Variants in GPHN observed in about 807,000 individuals in gnomAD.
The protein encoded by GPHN is gephyrin.
A neutral mutation model predicts 95.5 loss-of-function variants in GPHN; 17 were observed. That is an observed-to-expected ratio of 0.18 (90% confidence interval 0.12 to 0.27). The LOEUF is 0.27. GPHN is among the 10% of genes least tolerant of loss of function. The probability of loss-of-function intolerance (pLI) is 1.00; values close to 1 mark genes in which losing one functional copy is unlikely to be tolerated. For synonymous variants in GPHN, 320 were observed against 322.5 expected (o/e 0.99, Z 0.08); for missense variants, 660 against 978.1 (o/e 0.67, Z 4.34).
chr14:66,950,589 C>T (rs61989632), intron 8 of GPHN, among the ~76,000 whole-genome samples: 2,639 of 152,274 alleles, frequency 0.017, 38 homozygotes, highest in Non-Finnish European at 0.026. Flanking sequence ...TAGATATCAT[C>T]TATGTACGAG....
At chr14:67,502,201 T>C in the GPHN span, among the ~76,000 whole-genome samples, 1 of 151,472 alleles carries the variant, frequency 6.6e-6, no homozygotes, top group Non-Finnish European at 1.5e-5. Context: ...TATGGTGGCA[T>C]GCGCCTGTAG....
At chr14:67,244,318 G>C in the GPHN span, among the ~76,000 whole-genome samples, 2 of 152,158 alleles carry the variant, frequency 1.3e-5, no homozygotes, top group African/African-American at 2.4e-5. Context: ...AACATTACTA[G>C]CTACAGCCAA....
chr14:66,914,197 GGT>G (rs1207474262), intron 5 of GPHN, among the ~76,000 whole-genome samples: 1 of 152,072 alleles, frequency 6.6e-6, no homozygotes, highest in Admixed American at 6.6e-5. Context: ...CTGCTACTAA[GGT>G]GTCAACCTAG....
At chr14:67,387,726 A>G in the GPHN span, among the ~76,000 whole-genome samples, 1 of 152,220 alleles carries the variant, frequency 6.6e-6, no homozygotes, top group African/African-American at 2.4e-5. Context: ...AGATGGTAGC[A>G]TGCCATAGAT....
intron 1 of GPHN, among the ~76,000 whole-genome samples, chr14:66,545,189 C>T (rs1305924729): frequency 1.0e-3 from 152 of 149,038 alleles, no homozygotes; most frequent in Non-Finnish European, 1.7e-3. Context: ...CCGGACGGAG[C>T]GGCTGGCCGG....
intron 10 of GPHN, among the ~76,000 whole-genome samples, chr14:67,043,283 A>G (rs1235211448): frequency 1.3e-5 from 2 of 152,208 alleles, no homozygotes; most frequent in African/African-American, 4.8e-5. Context: ...TAGGAGTGGT[A>G]AGAGAGGTCA....
At chr14:66,679,618 G>T (rs573911507) in intron 1 of GPHN, among the ~76,000 whole-genome samples, 2 of 152,154 alleles carry the variant, frequency 1.3e-5, no homozygotes, top group South Asian at 4.2e-4. Flanking sequence ...CTTATGCTCT[G>T]TTCATTTCAT....
chr14:66,539,941 GT>G (rs2059294355), intron 1 of GPHN, among the ~76,000 whole-genome samples: 1 of 152,118 alleles, frequency 6.6e-6, no homozygotes, highest in African/African-American at 2.4e-5. Flanking sequence ...TCTTTTTCTA[GT>G]TGTTGAAGCA....
rs557755021 is a variant in GPHN, at chr14:67,040,351, T to C, written c.1006+16676T>C. 2.6e-5 allele frequency among the ~76,000 whole-genome samples: 4 copies of C among 152,278 alleles called. No homozygotes were observed. The East Asian group carries it at 7.7e-4, about 29-fold the overall frequency. ...GTGAGTAAATTGCAGACATGATGCCTCTTTACCCCTAAATAATTTAATGTG... is the reference window on the plus strand; with the variant it reads ...GTGAGTAAATTGCAGACATGATGCCCCTTTACCCCTAAATAATTTAATGTG... On this transcript the variant is annotated intron_variant, in intron 10 of 22. Transcript: ENST00000478722.
At chr14:66,914,313 G>T (rs1250040348) in intron 5 of GPHN, among the ~76,000 whole-genome samples, 2 of 152,110 alleles carry the variant, frequency 1.3e-5, no homozygotes, top group Non-Finnish European at 2.9e-5. Context: ...ACCTTCTAAT[G>T]GAGGGAGTTA....
At chr14:66,603,326 G>A (rs2062351295) in intron 1 of GPHN, among the ~76,000 whole-genome samples, 1 of 151,806 alleles carries the variant, frequency 6.6e-6, no homozygotes, top group Non-Finnish European at 1.5e-5. Context: ...TTTTGTGTGT[G>A]TGTGGTGTAT....
chr14:66,514,874 T>C lies in GPHN; in HGVS notation c.64+6283T>C, dbSNP rs902143838. Reference sequence around the variant, plus strand: ...TTGTCTATACCCTGTAATCTATATGTGGGAGGCTGCATGGTGTAGCTTAAA... The same window carrying C: ...TTGTCTATACCCTGTAATCTATATGCGGGAGGCTGCATGGTGTAGCTTAAA... On this transcript the variant is annotated intron_variant, in intron 1 of 22. Coordinates refer to ENST00000478722, the MANE Select transcript of GPHN (RefSeq NM_020806.5). 5.9e-5 allele frequency among the ~76,000 whole-genome samples: 9 copies of C among 152,054 alleles called. No homozygotes were observed. The East Asian group carries it at 1.5e-3, about 26-fold the overall frequency.
chr14:67,570,074 C>A, the GPHN span: 2 of 1,145,264 alleles, frequency 1.7e-6, no homozygotes, highest in Non-Finnish European at 1.3e-6. Flanking sequence ...CCTCATCATC[C>A]AATGACTGGG....
the GPHN span, among the ~76,000 whole-genome samples, chr14:67,519,708 A>G: frequency 7.5e-6 from 1 of 133,340 alleles, no homozygotes; most frequent in African/African-American, 2.7e-5. Flanking sequence ...GTGGCCCTGT[A>G]AGTTTGTTTT....
chr14:66,844,904 A>C lies in GPHN; in HGVS notation c.294+20338A>C, dbSNP rs184148343. 3.9e-3 allele frequency among the ~76,000 whole-genome samples: 594 copies of C among 152,254 alleles called. 5 individuals are homozygous for C. The highest frequency in any genetic ancestry group is 0.014 in the African/African-American group (572 of 41,560). On this transcript the variant is annotated intron_variant, in intron 4 of 22. Coordinates refer to ENST00000478722, the MANE Select transcript of GPHN (RefSeq NM_020806.5). ...ATTCCTCCCTCCCCCAACCCCTGGTAAACTATAATCTACTTTCTGTCTTTA... is the reference window on the plus strand; with the variant it reads ...ATTCCTCCCTCCCCCAACCCCTGGTCAACTATAATCTACTTTCTGTCTTTA...
the GPHN span, among the ~76,000 whole-genome samples, chr14:67,274,053 T>C: frequency 5.9e-5 from 9 of 152,314 alleles, no homozygotes; most frequent in South Asian, 1.9e-3. Flanking sequence ...CGGTGAAAAT[T>C]TTCTCCCATT....
chr14:66,899,047 T>C (rs1403736836), intron 5 of GPHN, among the ~76,000 whole-genome samples: 1 of 151,848 alleles, frequency 6.6e-6, no homozygotes, highest in East Asian at 1.9e-4. Context: ...GAAATACAAT[T>C]AATTCTTGGA....
At chr14:67,478,846 T>C in the GPHN span, among the ~76,000 whole-genome samples, 1 of 152,196 alleles carries the variant, frequency 6.6e-6, no homozygotes, top group Non-Finnish European at 1.5e-5. Context: ...TCTGCTTCAC[T>C]GGATTCATCT....
the GPHN span, among the ~76,000 whole-genome samples, chr14:67,681,661 A>G: frequency 6.6e-6 from 1 of 152,204 alleles, no homozygotes; most frequent in Non-Finnish European, 1.5e-5. Context: ...GTGCACCTGT[A>G]GTCCCAGCTA....
Sources: allele counts gnomAD v4.1 joint callset (sites outside exome capture counted in the v4.1 genomes callset), GRCh38; gene constraint gnomAD v4.1.1; transcripts MANE v1.5; gene names NCBI Gene and HGNC (gene_info 2026-07-23, HGNC 2026-07-21).